The following NTM variants were observed in gnomAD, a reference collection of about 807,000 sequenced individuals.
The protein encoded by NTM is neurotrimin.
In NTM, 13 loss-of-function variants were observed where a neutral mutation model predicts 42.1. The observed-to-expected ratio is 0.31, with a 90% CI of 0.20 to 0.49. The LOEUF (loss-of-function observed/expected upper bound fraction) is 0.49, where lower values mean the gene tolerates loss of function less well. Among genes scored for constraint, NTM ranks in the 20% least tolerant of loss-of-function variants. The pLI is 0.99. For missense variants in NTM, 373 were observed against 452.8 expected (o/e 0.82, Z 1.60); for synonymous variants, 187 against 179.2 (o/e 1.04, Z -0.35).
chr11:131,518,252 A>G (rs2049143762), intron 1 of NTM, among the ~76,000 whole-genome samples: 1 of 152,008 alleles, frequency 6.6e-6, no homozygotes, highest in Admixed American at 6.6e-5. Flanking sequence ...AAGTTAAAAG[A>G]CTCGAGTCAC....
chr11:131,876,854 G>A (rs933594242), intron 1 of NTM, among the ~76,000 whole-genome samples: 1 of 151,864 alleles, frequency 6.6e-6, no homozygotes, highest in Admixed American at 6.6e-5. Flanking sequence ...TGAACACAAA[G>A]CATAACTTTT....
chr11:131,911,762 T>A, intron 2 of NTM, 114 bp downstream of exon 2: 1 of 1,320,330 alleles, frequency 7.6e-7, no homozygotes, highest in Admixed American at 1.8e-5. Flanking sequence ...GGTCGCTGGT[T>A]CCCTGGGCTG....
intron 4 of NTM, among the ~76,000 whole-genome samples, chr11:132,291,438 A>T (rs1402918702): frequency 1.3e-5 from 2 of 152,190 alleles, no homozygotes; most frequent in African/African-American, 4.8e-5. Context: ...AATCTAGAAG[A>T]ATTTCATGTC....
chr11:131,717,664 G>T (rs1036683633), intron 1 of NTM, among the ~76,000 whole-genome samples: 1 of 152,134 alleles, frequency 6.6e-6, no homozygotes, highest in African/African-American at 2.4e-5. Context: ...ATCTGCAAAT[G>T]ACAGTTTTAC....
At chr11:131,611,832 C>G (rs1189415646) in intron 1 of NTM, among the ~76,000 whole-genome samples, 2 of 152,202 alleles carry the variant, frequency 1.3e-5, no homozygotes, top group Non-Finnish European at 2.9e-5. Context: ...TGGTGATTTA[C>G]TTACATATCT....
chr11:131,373,998 G>A (rs1190172587), intron 1 of NTM, among the ~76,000 whole-genome samples: 2 of 152,204 alleles, frequency 1.3e-5, no homozygotes, highest in African/African-American at 2.4e-5. Flanking sequence ...TACACACGTG[G>A]TGCCAGCAGC....
chr11:131,971,051 C>T (rs1409141923), intron 2 of NTM, among the ~76,000 whole-genome samples: 2 of 152,322 alleles, frequency 1.3e-5, no homozygotes, highest in Admixed American at 6.5e-5. Flanking sequence ...CCTTTACAAA[C>T]CAATGAGAAA....
At chr11:131,569,572 CTCTTTT>C (rs1255941160) in intron 1 of NTM, among the ~76,000 whole-genome samples, 1 of 139,998 alleles carries the variant, frequency 7.1e-6, no homozygotes, top group African/African-American at 2.9e-5. Flanking sequence ...TTTTTCTTCT[CTCTTTT>C]TTTTTTTTTT....
At chr11:132,219,572 A>G (rs2084677896) in intron 4 of NTM, among the ~76,000 whole-genome samples, 1 of 152,010 alleles carries the variant, frequency 6.6e-6, no homozygotes, top group African/African-American at 2.4e-5. Flanking sequence ...ATCAGTTTGG[A>G]CTGTGGATCA....
chr11:131,495,136 T>C (rs1325282941), intron 1 of NTM, among the ~76,000 whole-genome samples: 1 of 152,158 alleles, frequency 6.6e-6, no homozygotes, highest in Non-Finnish European at 1.5e-5. Context: ...GACTCTGAGC[T>C]TTTGGGTCCT....
chr11:131,742,746 A>G (rs529677908), intron 1 of NTM, among the ~76,000 whole-genome samples: 30 of 152,360 alleles, frequency 2.0e-4, no homozygotes, highest in Non-Finnish European at 3.2e-4. Flanking sequence ...ATAGAATCAA[A>G]TGCTATGGGA....
In NTM at chr11:131,419,571, G is replaced by A. The variant is rs529320975; in HGVS notation, c.82+48683G>A. On this transcript the variant is annotated intron_variant, in intron 1 of 8. Coordinates refer to ENST00000683400, the MANE Select transcript of NTM (RefSeq NM_001352005.2). Reference sequence around the variant, plus strand: ...GTGAGGTGGGGGAATAGCTCAGCATGTTTCAAGGGACTGAAAGAAGCCATC... The same window carrying A: ...GTGAGGTGGGGGAATAGCTCAGCATATTTCAAGGGACTGAAAGAAGCCATC... Among the ~76,000 whole-genome samples the A allele has an allele frequency of 2.2e-4, 33 of 152,226 alleles. 1 individual carries two copies. In the South Asian group the frequency reaches 5.6e-3, roughly 26 times the overall value.
chr11:131,536,158 T>C (rs909684307), intron 1 of NTM: 5 of 152,276 alleles, frequency 3.3e-5, no homozygotes, highest in African/African-American at 1.2e-4. Flanking sequence ...AGGGTTCTTG[T>C]TCTTGTTCAG....
intron 2 of NTM, among the ~76,000 whole-genome samples, chr11:132,024,341 G>A (rs1040677691): frequency 1.3e-5 from 2 of 152,080 alleles, no homozygotes; most frequent in African/African-American, 4.8e-5. Flanking sequence ...GAGGGGCACT[G>A]GTTCCAGGAT....
intron 1 of NTM, among the ~76,000 whole-genome samples, chr11:131,463,192 G>A (rs1951568312): frequency 6.6e-6 from 1 of 152,200 alleles, no homozygotes; most frequent in Admixed American, 6.5e-5. Context: ...CTGTCCCATG[G>A]TGGAAAGCAG....
At chr11:131,764,889 C>G (rs773525341) in intron 1 of NTM, among the ~76,000 whole-genome samples, 35 of 152,148 alleles carry the variant, frequency 2.3e-4, no homozygotes, top group Non-Finnish European at 5.9e-5. Context: ...AATGAGTGAT[C>G]ACTATGTGCT....
At chr11:131,655,799 G>A (rs1381236229) in intron 1 of NTM, among the ~76,000 whole-genome samples, 1 of 152,262 alleles carries the variant, frequency 6.6e-6, no homozygotes, top group Non-Finnish European at 1.5e-5. Flanking sequence ...GTGAGGCAAT[G>A]AAGGGAAAGT....
At chr11:131,461,707 A>G (rs1271660551) in intron 1 of NTM, among the ~76,000 whole-genome samples, 2 of 152,210 alleles carry the variant, frequency 1.3e-5, no homozygotes, top group African/African-American at 2.4e-5. Context: ...TTTACCACAA[A>G]AAAAGATAAC....
At chr11:132,197,067 G>A (rs1486912783) in intron 3 of NTM, among the ~76,000 whole-genome samples, 1 of 152,210 alleles carries the variant, frequency 6.6e-6, no homozygotes, top group East Asian at 1.9e-4. Context: ...TTAAGCCACA[G>A]ATGGGATGGA....
Sources: allele counts gnomAD v4.1 joint callset (sites outside exome capture counted in the v4.1 genomes callset), GRCh38; gene constraint gnomAD v4.1.1; transcripts MANE v1.5; gene names NCBI Gene and HGNC (gene_info 2026-07-23, HGNC 2026-07-21).